The following SPATA17 variants were observed in gnomAD, a reference collection of about 807,000 sequenced individuals.
SPATA17 encodes the protein spermatogenesis associated 17, also known as spermatogenesis-associated protein 17.
A neutral mutation model predicts 62.2 loss-of-function variants in SPATA17; 53 were observed. The ratio of observed to expected loss-of-function variants is 0.85; its 90% CI spans 0.68 to 1.07. The LOEUF (loss-of-function observed/expected upper bound fraction) is 1.07. Ranked by LOEUF, SPATA17 falls within the 50% of genes least tolerant of loss-of-function variation. The pLI, the probability that SPATA17 is intolerant of heterozygous loss-of-function variation, is 0.00. For missense variants in SPATA17, 466 were observed against 425.5 expected (o/e 1.10, Z -0.84); for synonymous variants, 146 against 146.8 (o/e 0.99, Z 0.04).
chr1:217,796,753 C>G (rs980914774), intron 8 of SPATA17, among the ~76,000 whole-genome samples: 2 of 152,180 alleles, frequency 1.3e-5, no homozygotes, highest in Non-Finnish European at 1.5e-5. Flanking sequence ...AAAAACTCCA[C>G]TAATCTATGT....
intron 5 of SPATA17, among the ~76,000 whole-genome samples, chr1:217,735,812 A>G (rs1010531605): frequency 1.3e-5 from 2 of 152,098 alleles, no homozygotes; most frequent in Non-Finnish European, 2.9e-5. Context: ...AATGAACAAG[A>G]AAAGCAAAAA....
intron 3 of SPATA17, among the ~76,000 whole-genome samples, chr1:217,664,028 T>C (rs1446524260): frequency 6.6e-6 from 1 of 151,974 alleles, no homozygotes; most frequent in Admixed American, 6.6e-5. Flanking sequence ...TCTTTTAATA[T>C]AAATTAAGCC....
intron 6 of SPATA17, among the ~76,000 whole-genome samples, chr1:217,760,069 G>A (rs772516343): frequency 6.6e-6 from 1 of 152,132 alleles, no homozygotes; most frequent in Non-Finnish European, 1.5e-5. Flanking sequence ...AAAATCCAGA[G>A]AGTAGAGCTT....
intron 4 of SPATA17, among the ~76,000 whole-genome samples, chr1:217,672,236 A>G (rs1670848608): frequency 6.6e-6 from 1 of 152,228 alleles, no homozygotes; most frequent in South Asian, 2.1e-4. Context: ...TCTAATAAAT[A>G]CGATTCTGCT....
chr1:217,840,937 A>G (rs1465045699), intron 9 of SPATA17, among the ~76,000 whole-genome samples: 1 of 152,014 alleles, frequency 6.6e-6, no homozygotes, highest in African/African-American at 2.4e-5. Flanking sequence ...ATATATGTGG[A>G]TATATACTTA....
chr1:217,771,526 A>C (rs912281473), intron 6 of SPATA17, among the ~76,000 whole-genome samples: 2 of 152,180 alleles, frequency 1.3e-5, no homozygotes, highest in African/African-American at 4.8e-5. Context: ...AATAATAAGT[A>C]AATGAATACT....
At chr1:217,645,829 C>T (rs946820506) in intron 1 of SPATA17, among the ~76,000 whole-genome samples, 9 of 152,096 alleles carry the variant, frequency 5.9e-5, no homozygotes, top group African/African-American at 1.9e-4. Context: ...CCTTCTAACC[C>T]TGCAACCAGT....
chr1:217,654,496 G>A (rs1670393284), intron 3 of SPATA17, among the ~76,000 whole-genome samples: 1 of 151,854 alleles, frequency 6.6e-6, no homozygotes, highest in Non-Finnish European at 1.5e-5. Flanking sequence ...TTTAAATTTT[G>A]AAAAAATTTC....
At chr1:217,855,401 T>A (rs556499756) in intron 9 of SPATA17, among the ~76,000 whole-genome samples, 1 of 152,336 alleles carries the variant, frequency 6.6e-6, no homozygotes, top group African/African-American at 2.4e-5. Context: ...TAGTTAGATG[T>A]TCAATTTCAG....
At chr1:217,838,947 A>T (rs1214625334) in intron 9 of SPATA17, among the ~76,000 whole-genome samples, 1 of 152,110 alleles carries the variant, frequency 6.6e-6, no homozygotes, top group Non-Finnish European at 1.5e-5. Flanking sequence ...CTGACTTGGG[A>T]CAAAGTACAT....
At chr1:217,719,625 G>T (rs1672079702) in intron 5 of SPATA17, among the ~76,000 whole-genome samples, 2 of 152,230 alleles carry the variant, frequency 1.3e-5, no homozygotes, top group African/African-American at 2.4e-5. Context: ...CCAGTAATTT[G>T]AACTGAGAAA....
intron 6 of SPATA17, among the ~76,000 whole-genome samples, chr1:217,748,079 G>A (rs778104762): frequency 1.3e-5 from 2 of 151,702 alleles, no homozygotes; most frequent in East Asian, 2.0e-4. Context: ...CGAGGTGGGC[G>A]GATCACGAGG....
intron 9 of SPATA17, among the ~76,000 whole-genome samples, chr1:217,807,857 T>C (rs925660751): frequency 1.2e-4 from 19 of 152,366 alleles, no homozygotes; most frequent in African/African-American, 4.6e-4. Context: ...TGTTGTTTCT[T>C]GTAGGGAGAA....
chr1:217,690,467 T>C (rs1671323357), intron 5 of SPATA17, among the ~76,000 whole-genome samples: 2 of 29,008 alleles, frequency 6.9e-5, no homozygotes, highest in African/African-American at 4.1e-4. Context: ...TTTTATTTTA[T>C]TTTTTATTTT....
At chr1:217,847,210 T>G (rs540961279) in intron 9 of SPATA17, among the ~76,000 whole-genome samples, 115 of 152,058 alleles carry the variant, frequency 7.6e-4, no homozygotes, top group Non-Finnish European at 1.3e-3. Context: ...AAGACTAAAT[T>G]TTTGTATGTA....
Position 217,857,513 on chromosome 1 carries a change from G to A in SPATA17, c.1006-5261G>A, listed in dbSNP as rs533044146. ...AGCATTTAAAATTACCATCCCTAGTGTTTTTTCTTGATGAGGTTATTTTTC... is the reference window on the plus strand; with the variant it reads ...AGCATTTAAAATTACCATCCCTAGTATTTTTTCTTGATGAGGTTATTTTTC... On this transcript the variant is annotated intron_variant, in intron 9 of 10. Transcript: ENST00000366933. 2.6e-5 allele frequency among the ~76,000 whole-genome samples: 4 copies of A among 152,254 alleles called. No individual in the cohort carries two copies. The South Asian group carries it at 6.2e-4, about 24-fold the overall frequency.
chr1:217,775,392 T>G (rs1673560706), intron 7 of SPATA17, among the ~76,000 whole-genome samples: 3 of 152,168 alleles, frequency 2.0e-5, no homozygotes, highest in Admixed American at 1.3e-4. Flanking sequence ...TTCTCTACTC[T>G]GTTACAGTGT....
At chr1:217,719,401 T>A (rs1168258846) in intron 5 of SPATA17, among the ~76,000 whole-genome samples, 1 of 152,226 alleles carries the variant, frequency 6.6e-6, no homozygotes, top group African/African-American at 2.4e-5. Flanking sequence ...GGCAGATAAT[T>A]TGTATTTTAA....
chr1:217,785,951 A>G (rs1673849861), intron 8 of SPATA17, among the ~76,000 whole-genome samples: 1 of 152,176 alleles, frequency 6.6e-6, no homozygotes, highest in Admixed American at 6.6e-5. Flanking sequence ...ATGCCATCTC[A>G]AAGAAAATTA....
Sources: allele counts gnomAD v4.1 joint callset (sites outside exome capture counted in the v4.1 genomes callset), GRCh38; gene constraint gnomAD v4.1.1; transcripts MANE v1.5; gene names NCBI Gene and HGNC (gene_info 2026-07-23, HGNC 2026-07-21).